ACTR3C: variants seen among roughly 807,000 people sequenced by gnomAD.
The protein encoded by ACTR3C is actin-related protein 3C.
ACTR3C carries 18 observed loss-of-function variants against 26.3 expected under a neutral mutation model. That is an observed-to-expected ratio of 0.68 (90% CI 0.47 to 1.01). The LOEUF (loss-of-function observed/expected upper bound fraction) is 1.01. Ranked by LOEUF, ACTR3C falls within the 50% of genes least tolerant of loss-of-function variation. ACTR3C has a pLI of 0.00. For missense variants in ACTR3C, 184 were observed against 250.7 expected, an observed-to-expected ratio of 0.73 and a Z score of 1.80; for synonymous variants, 55 against 94.5, an observed-to-expected ratio of 0.58 and a Z score of 2.42.
At chr7:150,206,147 C>T in the ACTR3C span, among the ~76,000 whole-genome samples, 3 of 152,206 alleles carry the variant, frequency 2.0e-5, no homozygotes, top group Non-Finnish European at 4.4e-5. Context: ...CTGCTCTCCG[C>T]TTTCTCTTCT....
At chr7:150,163,945 T>C in the ACTR3C span, among the ~76,000 whole-genome samples, 1 of 152,218 alleles carries the variant, frequency 6.6e-6, no homozygotes, top group Non-Finnish European at 1.5e-5. Flanking sequence ...AAAATAATGT[T>C]GAATCTGGGC....
intron 6 of ACTR3C, among the ~76,000 whole-genome samples, chr7:150,255,288 T>C (rs550006505): frequency 8.3e-5 from 12 of 144,580 alleles, no homozygotes; most frequent in Non-Finnish European, 1.5e-4. Flanking sequence ...TTTTCTCTTA[T>C]GGAGCAGGAT....
chr7:149,941,507 T>C, the ACTR3C span, among the ~76,000 whole-genome samples: 2 of 152,178 alleles, frequency 1.3e-5, no homozygotes, highest in Non-Finnish European at 2.9e-5. Context: ...TGCCTGTCTC[T>C]GCAGGGAGGG....
the ACTR3C span, among the ~76,000 whole-genome samples, chr7:150,145,376 A>G: frequency 1.3e-5 from 2 of 152,184 alleles, no homozygotes; most frequent in South Asian, 4.1e-4. Context: ...GACTTACTTC[A>G]TCTCACAGAG....
At chr7:150,187,952 G>T in the ACTR3C span, among the ~76,000 whole-genome samples, 1 of 151,930 alleles carries the variant, frequency 6.6e-6, no homozygotes, top group South Asian at 2.1e-4. Flanking sequence ...TAGCATTAAG[G>T]GTGGATCCTG....
At chr7:150,043,948 G>T in the ACTR3C span, among the ~76,000 whole-genome samples, 1 of 152,186 alleles carries the variant, frequency 6.6e-6, no homozygotes, top group African/African-American at 2.4e-5. Context: ...TTGGTTGGTT[G>T]TCGAAGACAT....
chr7:150,092,049 T>C, the ACTR3C span, among the ~76,000 whole-genome samples: 1 of 139,680 alleles, frequency 7.2e-6, no homozygotes, highest in Non-Finnish European at 1.5e-5. Context: ...TTACTGTACT[T>C]ATTGCAGCTG....
At chr7:150,153,049 C>A in the ACTR3C span, among the ~76,000 whole-genome samples, 63 of 152,090 alleles carry the variant, frequency 4.1e-4, no homozygotes, top group African/African-American at 1.5e-3. Flanking sequence ...ATTAGTCTTA[C>A]TAGCGGTCTA....
chr7:149,913,341 G>T, the ACTR3C span, among the ~76,000 whole-genome samples: 1 of 152,206 alleles, frequency 6.6e-6, no homozygotes, highest in Non-Finnish European at 1.5e-5. Context: ...TTACTAGCTA[G>T]TAACAATGTA....
the ACTR3C span, among the ~76,000 whole-genome samples, chr7:150,037,058 C>CTG: frequency 4.7e-5 from 5 of 106,176 alleles, no homozygotes; most frequent in African/African-American, 1.0e-4. Context: ...TCAGTCCCCA[C>CTG]CCTCGCGGGG....
At chr7:150,101,974 T>C in the ACTR3C span, among the ~76,000 whole-genome samples, 1 of 151,694 alleles carries the variant, frequency 6.6e-6, no homozygotes, top group Non-Finnish European at 1.5e-5. Context: ...GGGCAGTGGG[T>C]AGATGTCACT....
chr7:150,040,734 A>T, the ACTR3C span: 5 of 146,670 alleles, frequency 3.4e-5, no homozygotes, highest in African/African-American at 1.3e-4. Flanking sequence ...TAAGGATCTT[A>T]GGATCCCCGA....
At chr7:150,055,036 A>G in the ACTR3C span, among the ~76,000 whole-genome samples, 1 of 152,260 alleles carries the variant, frequency 6.6e-6, no homozygotes, top group African/African-American at 2.4e-5. Context: ...AAGGACTGTT[A>G]GAAACCACTA....
chr7:150,212,290 C>T, the ACTR3C span, among the ~76,000 whole-genome samples: 1 of 148,934 alleles, frequency 6.7e-6, no homozygotes, highest in Non-Finnish European at 1.5e-5. Context: ...AAAAAAAATC[C>T]AACAAATAAA....
At chr7:150,022,209 C>G in the ACTR3C span, among the ~76,000 whole-genome samples, 2 of 151,962 alleles carry the variant, frequency 1.3e-5, no homozygotes, top group African/African-American at 2.4e-5. Flanking sequence ...TTGCATTTCC[C>G]TGATCATTAG....
chr7:149,886,630 G>A, the ACTR3C span, among the ~76,000 whole-genome samples: 1 of 152,108 alleles, frequency 6.6e-6, no homozygotes, highest in African/African-American at 2.4e-5. Context: ...GAGAAAATAA[G>A]TCCAGAAATA....
the ACTR3C span, among the ~76,000 whole-genome samples, chr7:150,014,097 GC>G: frequency 7.0e-4 from 106 of 152,290 alleles, no homozygotes; most frequent in East Asian, 0.015. Flanking sequence ...CCATGTAGCA[GC>G]CCAGTGCACT....
the ACTR3C span, among the ~76,000 whole-genome samples, chr7:150,161,210 A>C: frequency 2.4e-5 from 3 of 126,168 alleles, no homozygotes; most frequent in Non-Finnish European, 4.8e-5. Context: ...ATTTATATAT[A>C]TATATATATA....
At chr7:150,165,459 C>T in the ACTR3C span, among the ~76,000 whole-genome samples, 1 of 151,568 alleles carries the variant, frequency 6.6e-6, no homozygotes, top group African/African-American at 2.4e-5. Flanking sequence ...TAATGCAGGA[C>T]TTTTTGTTTA....
Sources: gnomAD v4.1 joint callset for allele counts (sites outside exome capture counted in the v4.1 genomes callset) on GRCh38, gnomAD v4.1.1 for gene constraint, MANE v1.5 for transcripts, NCBI Gene and HGNC (gene_info 2026-07-23, HGNC 2026-07-21) for gene names.